The following SH3TC1 variants were observed in gnomAD, a reference collection of about 807,000 sequenced individuals.
SH3TC1 encodes SH3 domain and tetratricopeptide repeats 1, also known as SH3 domain and tetratricopeptide repeat-containing protein 1.
A neutral mutation model predicts 117.3 loss-of-function variants in SH3TC1; 135 were observed. The observed-to-expected ratio is 1.15, with a 90% CI of 1.00 to 1.33. The LOEUF is 1.33. Among genes scored for constraint, SH3TC1 ranks in the 40% most tolerant of loss-of-function variants. SH3TC1 has a pLI of 0.00. For missense variants in SH3TC1, 2,092 were observed against 1,794.3 expected (o/e 1.17, Z -3.00); for synonymous variants, 898 against 816.9 (o/e 1.10, Z -1.69).
chr4:8,224,027 A>G (rs1324365803), intron 10 of SH3TC1, among the ~76,000 whole-genome samples: 1 of 131,958 alleles, frequency 7.6e-6, no homozygotes, highest in Non-Finnish European at 1.6e-5. Context: ...GTGCATGCAC[A>G]CATGCACTCA....
Position 8,212,556 on chromosome 4 carries a change from C to T in SH3TC1, c.248-145C>T. ...GGGTGGGGCAAGGTTGAGATCTAAACCCGGGGCTTGGGCTCCCCAGGAGCT... is the reference window on the plus strand; with the variant it reads ...GGGTGGGGCAAGGTTGAGATCTAAATCCGGGGCTTGGGCTCCCCAGGAGCT... On this transcript the variant is annotated intron_variant, in intron 3 of 17. Transcript: ENST00000245105. 2.7e-6 allele frequency: 3 copies of T among 1,125,350 alleles called. No individual in the cohort carries two copies. The East Asian group carries it at 7.7e-5, about 29-fold the overall frequency. 69.7% of individuals were successfully genotyped at this position (1,125,350 alleles called of 1,614,324 possible).
intron 1 of SH3TC1, among the ~76,000 whole-genome samples, chr4:8,191,776 G>A (rs1578636464): frequency 6.6e-6 from 1 of 152,186 alleles, no homozygotes; most frequent in Non-Finnish European, 1.5e-5. Context: ...GCTTGATAAT[G>A]CCTTGGGAGG....
intron 1 of SH3TC1, among the ~76,000 whole-genome samples, chr4:8,189,880 G>A (rs1156692230): frequency 1.3e-5 from 2 of 152,188 alleles, no homozygotes; most frequent in African/African-American, 4.8e-5. Context: ...GGGAGGAGGA[G>A]GCTGGGAAAC....
chr4:8,204,490 G>T (rs939157731), intron 1 of SH3TC1, among the ~76,000 whole-genome samples: 1 of 152,154 alleles, frequency 6.6e-6, no homozygotes, highest in Non-Finnish European at 1.5e-5. Flanking sequence ...TGGAGGGGCA[G>T]GGTGGACCTT....
At chr4:8,233,121 C>T (rs1012090822) in intron 13 of SH3TC1, 55 of 1,349,418 alleles carry the variant, frequency 4.1e-5, no homozygotes, top group Admixed American at 6.9e-5. Context: ...TGGACTAGCA[C>T]GCTCCCCCAG....
intron 4 of SH3TC1, among the ~76,000 whole-genome samples, chr4:8,213,709 G>A (rs1718953469): frequency 6.6e-6 from 1 of 152,096 alleles, no homozygotes; most frequent in African/African-American, 2.4e-5. Flanking sequence ...ACCAGCTTCA[G>A]CAACATAGGG....
At chr4:8,220,096 T>C (rs1355354007) in intron 9 of SH3TC1, among the ~76,000 whole-genome samples, 1 of 152,224 alleles carries the variant, frequency 6.6e-6, no homozygotes, top group Non-Finnish European at 1.5e-5. Context: ...GACCTCATCT[T>C]AGCTGAACTA....
intron 2 of SH3TC1, among the ~76,000 whole-genome samples, chr4:8,208,144 GCCTGCATTC>G (rs1285499531): frequency 6.6e-6 from 1 of 152,188 alleles, no homozygotes; most frequent in Non-Finnish European, 1.5e-5. Flanking sequence ...GATCTGCATG[GCCTGCATTC>G]CCTGCAATGA....
chr4:8,216,014 G>C (rs1302715064), intron 5 of SH3TC1, 97 bp from the exon 6 acceptor site: 2 of 1,430,202 alleles, frequency 1.4e-6, no homozygotes, highest in African/African-American at 1.4e-5. Context: ...CCTGGACCTG[G>C]TCAGTGCAGG....
At chr4:8,200,534 G>A (rs763648270) in intron 1 of SH3TC1, among the ~76,000 whole-genome samples, 1 of 152,202 alleles carries the variant, frequency 6.6e-6, no homozygotes, top group East Asian at 1.9e-4. Flanking sequence ...ACTGTGTCCC[G>A]TGTGGGGCGC....
chr4:8,222,419 G>C (rs1244437367), intron 9 of SH3TC1, among the ~76,000 whole-genome samples: 2 of 138,748 alleles, frequency 1.4e-5, no homozygotes, highest in Non-Finnish European at 3.1e-5. Context: ...TGTCACCCAG[G>C]CTGGAGTGCA....
At chr4:8,207,488 G>T (rs1718307409) in intron 2 of SH3TC1, among the ~76,000 whole-genome samples, 1 of 152,182 alleles carries the variant, frequency 6.6e-6, no homozygotes, top group South Asian at 2.1e-4. Flanking sequence ...CTCATCATGG[G>T]CTGGCCTGGC....
At position 8,229,978 on chromosome 4, in the gene SH3TC1, C is replaced by T. The variant is rs536606278; in HGVS notation, c.2950+1334C>T. Among the ~76,000 whole-genome samples the T allele has an allele frequency of 2.3e-4, 33 of 143,306 alleles. 1 individual carries two copies. The South Asian group carries it at 6.6e-3, about 29-fold the overall frequency. The allele number at this position is 143,306 out of a possible 152,430, so 94.0% of individuals were successfully genotyped here. On this transcript the variant is annotated intron_variant, in intron 12 of 17. Coordinates refer to ENST00000245105, the MANE Select transcript of SH3TC1 (RefSeq NM_018986.5). ...GCCAGGGGACGAGGATCATGCTTCC[C>T]TGTCTCCCCACCCCGCGTTGAACAG...
chr4:8,227,444 G>T lies in SH3TC1; in HGVS notation c.1750G>T (p.Glu584Ter), dbSNP rs1443717987. The T allele has an allele frequency of 6.4e-7, 1 of 1,561,082 alleles. No homozygotes were observed. Among genetic ancestry groups the T allele is most frequent in the Non-Finnish European group, 8.6e-7 (1 of 1,157,762 alleles). Residue 584 changes from glutamate to a stop codon, truncating the protein, a stop_gained, in exon 12 of 18, where the codon GAG becomes TAG. Transcript: ENST00000245105. LOFTEE classifies it high-confidence loss of function. ...LKLSQARVYF[E>*]EALGALEGSF... ...GCTGTCCCAGGCCCGGGTGTACTTT[G>T]AGGAAGCGCTGGGGGCCCTGGAGGG...
At chr4:8,222,797 T>C in intron 9 of SH3TC1, 43 bp from the exon 10 acceptor site, 2 of 1,594,768 alleles carry the variant, frequency 1.3e-6, no homozygotes, top group Non-Finnish European at 1.7e-6. Flanking sequence ...AATGCTGACT[T>C]TGCAAATATG....
chr4:8,218,425 C>T (rs1719536675), intron 8 of SH3TC1, 78 bp downstream of exon 8: 2 of 1,043,226 alleles, frequency 1.9e-6, no homozygotes, highest in East Asian at 2.5e-5. Context: ...GGAAGTTGCC[C>T]TACATCCTCC....
At chr4:8,218,441 C>A in intron 8 of SH3TC1, 94 bp downstream of exon 8, 1 of 844,876 alleles carries the variant, frequency 1.2e-6, no homozygotes, top group Non-Finnish European at 1.9e-6. Context: ...CCTCCCTGAG[C>A]CAGAGAGATA....
chr4:8,224,230 T>C (rs2152989809), intron 10 of SH3TC1, among the ~76,000 whole-genome samples: 1 of 152,344 alleles, frequency 6.6e-6, no homozygotes, highest in East Asian at 1.9e-4. Context: ...CACACACACT[T>C]TTTTCCTGCT....
intron 12 of SH3TC1, among the ~76,000 whole-genome samples, chr4:8,229,929 G>A (rs959726016): frequency 1.7e-4 from 26 of 149,544 alleles, no homozygotes; most frequent in African/African-American, 6.0e-4. Flanking sequence ...CCCACCCCGC[G>A]TTGAACAGTC....
Sources: gnomAD v4.1 joint callset for allele counts (sites outside exome capture counted in the v4.1 genomes callset) on GRCh38, gnomAD v4.1.1 for gene constraint, MANE v1.5 for transcripts, NCBI Gene and HGNC (gene_info 2026-07-23, HGNC 2026-07-21) for gene names.